TCN2: variants seen among roughly 807,000 people sequenced by gnomAD.
TCN2 encodes transcobalamin-2.
A neutral mutation model predicts 48.6 loss-of-function variants in TCN2; 34 were observed. The ratio of observed to expected loss-of-function variants is 0.70; its 90% CI spans 0.53 to 0.93. TCN2 has a LOEUF of 0.93. Ranked by LOEUF, TCN2 falls within the 40% of genes least tolerant of loss-of-function variation. The probability of loss-of-function intolerance (pLI) is 0.00; values close to 1 mark genes in which losing one functional copy is unlikely to be tolerated. For missense variants in TCN2, 652 were observed against 526.1 expected (o/e 1.24, Z -2.34); for synonymous variants, 283 against 212.5 (o/e 1.33, Z -2.89).
chr22:30,617,572 A>G (rs2087631787), intron 7 of TCN2, 77 bp downstream of exon 7: 1 of 1,599,392 alleles, frequency 6.3e-7, no homozygotes, highest in African/African-American at 1.3e-5. Flanking sequence ...GAGACGGGGA[A>G]CAGAGGAGAG....
intron 8 of TCN2, among the ~76,000 whole-genome samples, chr22:30,625,330 G>T (rs1233294794): frequency 6.6e-6 from 1 of 152,048 alleles, no homozygotes; most frequent in African/African-American, 2.4e-5. Context: ...CCACTTTCTG[G>T]TGTTACCTGC....
rs774412501 is a variant in TCN2 at position 30,613,038 on chromosome 22, C to T, written c.423C>T (p.Ala141=). Residue 141 remains alanine, a synonymous_variant, in exon 3 of 9, where the codon GCC becomes GCT. Coordinates refer to ENST00000215838, the MANE Select transcript of TCN2 (RefSeq NM_000355.4). ...LKWFLEDEKR[A]IGHDHKGHPH... is the part of the protein sequence containing the mutation. ...GGTTCCTGGAGGATGAGAAGAGAGCCATTGGTGAGCAGACACCATCCGCTG... is the reference window on the plus strand; with the variant it reads ...GGTTCCTGGAGGATGAGAAGAGAGCTATTGGTGAGCAGACACCATCCGCTG... 4 of 1,613,734 alleles carry T rather than the reference C, an allele frequency of 2.5e-6. No homozygotes were observed. In the Admixed American group the frequency reaches 6.7e-5, roughly 27 times the overall value.
rs576306465 is a variant in TCN2, at chr22:30,615,785, G to A, written c.938G>A (p.Arg313Gln). ...ATCTTCCCAGACTGTCTGGCACCACGAGGTAGCCCAACTTTTTGTGGAAGC... is the reference window on the plus strand; with the variant it reads ...ATCTTCCCAGACTGTCTGGCACCACAAGGTAGCCCAACTTTTTGTGGAAGC... ...DLIFPDCLAP[R>Q]VMLEPAAETI... Residue 313 changes from arginine (R) to glutamine (Q), a missense_variant and splice_region_variant, in exon 6 of 9, where the codon CGA becomes CAA. By Grantham distance (43) the Arg-to-Gln change is conservative (BLOSUM62 1). Transcript: ENST00000215838. 6.2e-6 allele frequency: 10 copies of A among 1,614,184 alleles called. No homozygotes were observed. The highest frequency in any genetic ancestry group is 4.5e-5 in the East Asian group (2 of 44,890).
At chr22:30,615,851 G>C (rs761054167) in intron 6 of TCN2, 64 bp downstream of exon 6, 58 of 1,595,208 alleles carry the variant, frequency 3.6e-5, no homozygotes, top group Admixed American at 1.0e-4. Flanking sequence ...TGACGTCCCA[G>C]TGAGGGGAGG....
At position 30,615,395 on chromosome 22, in the gene TCN2, A is replaced by G. The variant is rs1316217581; in HGVS notation, c.675A>G (p.Thr225=). 6 of 1,614,086 alleles carry G rather than the reference A, an allele frequency of 3.7e-6. No individual in the cohort carries two copies. In the East Asian group the frequency reaches 1.1e-4, roughly 30 times the overall value. ...RRQRITMAIR[T]VREEILKAQT... Reference sequence around the variant, plus strand: ...AACGGATCACCATGGCCATCAGAACAGTGCGAGAGGAGATCTTGAAGGCCC... The same window carrying G: ...AACGGATCACCATGGCCATCAGAACGGTGCGAGAGGAGATCTTGAAGGCCC... The change falls in exon 5 of 9, where the codon ACA becomes ACG. Residue 225 remains threonine (T), a synonymous_variant. Coordinates refer to ENST00000215838, the MANE Select transcript of TCN2 (RefSeq NM_000355.4).
At chr22:30,619,394 T>C (rs1042866074) in intron 7 of TCN2, among the ~76,000 whole-genome samples, 2 of 152,222 alleles carry the variant, frequency 1.3e-5, no homozygotes, top group African/African-American at 2.4e-5. Flanking sequence ...TAAGAACTTT[T>C]ATTATGAAAT....
intron 1 of TCN2, chr22:30,610,103 C>T (rs1041419609): frequency 3.0e-5 from 13 of 430,476 alleles, no homozygotes; most frequent in East Asian, 7.1e-5. Flanking sequence ...CTAAGGCTTC[C>T]GCTTCCAGAG....
chr22:30,612,257 AT>A (rs1438285596), intron 2 of TCN2, among the ~76,000 whole-genome samples: 1 of 151,306 alleles, frequency 6.6e-6, no homozygotes, highest in African/African-American at 2.4e-5. Context: ...AAAAAAAAAA[AT>A]AAAAATATGG....
In TCN2 at chr22:30,623,051, T is replaced by C. The variant is rs1286710107; in HGVS notation, c.1190T>C (p.Leu397Pro). ...KAAGEREFWQ[L>P]LRDPNTPLLQ... ...GCCGGAGAAAGGGAGTTCTGGCAGC[T>C]TCTCCGAGACCCCAACACCCCACTG... Residue 397 changes from leucine to proline, a missense_variant, in exon 8 of 9, where the codon CTT becomes CCT. Leu to Pro is a moderately conservative substitution (Grantham distance 98). Transcript: ENST00000215838. 6.2e-7 allele frequency: 1 copy of C among 1,614,000 alleles called. No homozygotes were observed. Among genetic ancestry groups the C allele is most frequent in the East Asian group, 2.2e-5 (1 of 44,852 alleles).
chr22:30,609,278 C>T (rs1363978879), intron 1 of TCN2, among the ~76,000 whole-genome samples: 1 of 151,988 alleles, frequency 6.6e-6, no homozygotes, highest in Non-Finnish European at 1.5e-5. Flanking sequence ...GCTGGTATTA[C>T]AGGCGTGAGC....
chr22:30,626,407 G>C (rs994276747), intron 8 of TCN2, 53 bp from the exon 9 acceptor site: 2 of 1,585,360 alleles, frequency 1.3e-6, no homozygotes, highest in Non-Finnish European at 1.7e-6. Flanking sequence ...ATGAGGTTGC[G>C]GGGTGCGATA....
intron 7 of TCN2, among the ~76,000 whole-genome samples, chr22:30,619,045 C>T (rs986612742): frequency 1.2e-4 from 18 of 152,180 alleles, no homozygotes; most frequent in African/African-American, 4.3e-4. Context: ...GCCGGGATTA[C>T]AGGCATGAGC....
intron 7 of TCN2, among the ~76,000 whole-genome samples, chr22:30,621,261 G>A (rs1470374753): frequency 6.6e-6 from 1 of 151,998 alleles, no homozygotes; most frequent in Non-Finnish European, 1.5e-5. Context: ...CTCAAGTGCT[G>A]GGATTACAGA....
chr22:30,613,682 C>T (rs1175665719), intron 3 of TCN2, among the ~76,000 whole-genome samples: 2 of 152,214 alleles, frequency 1.3e-5, no homozygotes, highest in Non-Finnish European at 2.9e-5. Context: ...TCTGTCTCTA[C>T]TAGCTCTCCT....
chr22:30,611,260 C>G, intron 2 of TCN2, 197 bp downstream of exon 2: 2 of 675,450 alleles, frequency 3.0e-6, no homozygotes, highest in South Asian at 1.7e-5. Context: ...TGCAAGGCTC[C>G]TTTTGCTACT....
intron 7 of TCN2, among the ~76,000 whole-genome samples, chr22:30,618,745 A>C (rs1369393851): frequency 1.3e-5 from 2 of 152,140 alleles, no homozygotes; most frequent in African/African-American, 4.8e-5. Flanking sequence ...TCCAAGTAAC[A>C]GGGACTACAG....
chr22:30,616,424 G>A (rs1454513450), intron 6 of TCN2, among the ~76,000 whole-genome samples: 1 of 150,524 alleles, frequency 6.6e-6, no homozygotes, highest in Non-Finnish European at 1.5e-5. Flanking sequence ...AGAGGTGGAG[G>A]TTGCAGTGAG....
At chr22:30,626,091 T>G (rs144363491) in intron 8 of TCN2, among the ~76,000 whole-genome samples, 260 of 152,174 alleles carry the variant, frequency 1.7e-3, no homozygotes, top group African/African-American at 5.9e-3. Context: ...AATCCAGGCG[T>G]CCTCCTAGAG....
Position 30,626,867 on chromosome 22 carries a change from C to G in TCN2, c.*346C>G. On this transcript the variant is annotated 3_prime_UTR_variant, in exon 9 of 9. Coordinates refer to ENST00000215838, the MANE Select transcript of TCN2 (RefSeq NM_000355.4). ...CGCAGGCCGCAGGTGTTGTGAAGAC[C>G]ACTCGTTCTGTGGTTGGGGTCCTGC... The G allele has an allele frequency of 2.5e-6, 1 of 406,764 alleles. No individual in the cohort carries two copies. Among genetic ancestry groups the G allele is most frequent in the Non-Finnish European group, 4.7e-6 (1 of 214,756 alleles). The allele number at this position is 406,764 out of a possible 1,614,324, so 25.2% of individuals were successfully genotyped here.
Sources: allele counts gnomAD v4.1 joint callset (sites outside exome capture counted in the v4.1 genomes callset), GRCh38; gene constraint gnomAD v4.1.1; transcripts MANE v1.5; gene names NCBI Gene and HGNC (gene_info 2026-07-23, HGNC 2026-07-21).